The following VWC2 variants were observed in gnomAD, a reference collection of about 807,000 sequenced individuals.
VWC2 encodes von Willebrand factor C domain containing 2, also known as brorin.
In VWC2, 14 loss-of-function variants were observed where a neutral mutation model predicts 29.8. The observed-to-expected ratio is 0.47, with a 90% confidence interval of 0.31 to 0.74. The LOEUF is 0.74. VWC2 is among the 30% of genes least tolerant of loss of function. The pLI, the probability that VWC2 is intolerant of heterozygous loss-of-function variation, is 0.05. For synonymous variants in VWC2, 213 were observed against 199.0 expected (o/e 1.07, Z -0.59); for missense variants, 457 against 459.8 (o/e 0.99, Z 0.05).
intron 2 of VWC2, among the ~76,000 whole-genome samples, chr7:49,783,320 G>A (rs928987259): frequency 3.3e-5 from 5 of 152,068 alleles, no homozygotes; most frequent in Non-Finnish European, 7.4e-5. Flanking sequence ...TGGGTCAGGG[G>A]GTCAAGGGGG....
Position 49,849,108 on chromosome 7 carries a change from T to C in VWC2, c.826+46268T>C, listed in dbSNP as rs766566783. 4.1e-4 allele frequency among the ~76,000 whole-genome samples: 63 copies of C among 152,208 alleles called. 1 individual carries two copies. Among genetic ancestry groups the C allele is most frequent in the Non-Finnish European group, 6.9e-4 (47 of 68,046 alleles). On this transcript the variant is annotated intron_variant, in intron 3 of 3. Coordinates refer to ENST00000340652, the MANE Select transcript of VWC2 (RefSeq NM_198570.5). The stretch of plus-strand genomic sequence containing the variant: ...TCTTGTCCTACTGTACTGTATTTCT[T>C]ATTTCTCAGAGTTTGACTTACATAT...
intron 3 of VWC2, among the ~76,000 whole-genome samples, chr7:49,888,353 T>C (rs1479576552): frequency 6.6e-6 from 1 of 152,244 alleles, no homozygotes; most frequent in East Asian, 1.9e-4. Flanking sequence ...TGATCACTGA[T>C]TTTCCTAAAT....
intron 3 of VWC2, among the ~76,000 whole-genome samples, chr7:49,857,390 C>T (rs913964307): frequency 6.6e-6 from 1 of 152,146 alleles, no homozygotes; most frequent in Non-Finnish European, 1.5e-5. Flanking sequence ...CTGAATATTC[C>T]AATGTAGGCA....
chr7:49,900,706 T>C (rs1271696691), intron 3 of VWC2, among the ~76,000 whole-genome samples: 2 of 151,818 alleles, frequency 1.3e-5, no homozygotes, highest in Non-Finnish European at 3.0e-5. Flanking sequence ...CCAGATAGGA[T>C]CACTGGTGAA....
intron 3 of VWC2, among the ~76,000 whole-genome samples, chr7:49,890,367 CA>C (rs1283071844): frequency 6.6e-6 from 1 of 152,050 alleles, no homozygotes; most frequent in Non-Finnish European, 1.5e-5. Flanking sequence ...AGAACTTGTT[CA>C]AAAACAGGGA....
chr7:49,865,848 A>C (rs1380421641), intron 3 of VWC2, among the ~76,000 whole-genome samples: 4 of 152,220 alleles, frequency 2.6e-5, no homozygotes, highest in Admixed American at 1.3e-4. Flanking sequence ...TCAGTCTCAA[A>C]GTCCGGATGT....
At chr7:49,798,558 G>A (rs1485965849) in intron 2 of VWC2, among the ~76,000 whole-genome samples, 1 of 152,162 alleles carries the variant, frequency 6.6e-6, no homozygotes, top group Non-Finnish European at 1.5e-5. Flanking sequence ...TTTTATGAGT[G>A]TACAGTGGCC....
chr7:49,824,743 T>G (rs1181289914), intron 3 of VWC2, among the ~76,000 whole-genome samples: 2 of 152,156 alleles, frequency 1.3e-5, no homozygotes, highest in African/African-American at 4.8e-5. Flanking sequence ...ATATTTATGG[T>G]TTTTATTATA....
chr7:49,908,905 T>C (rs1332809099), intron 3 of VWC2, among the ~76,000 whole-genome samples: 4 of 152,210 alleles, frequency 2.6e-5, no homozygotes, highest in Non-Finnish European at 5.9e-5. Flanking sequence ...AGATTTTATA[T>C]TCTACAGTAA....
At position 49,775,707 on chromosome 7, in the gene VWC2, G is replaced by C. The variant is rs1224844872; in HGVS notation, c.272G>C (p.Ser91Thr). ...GRGLAGREPW[S>T]KLKQAWVSQG... Reference sequence around the variant, plus strand: ...GGGCTCGCCGGCCGTGAGCCGTGGAGCAAGCTGAAGCAGGCCTGGGTCTCC... The same window carrying C: ...GGGCTCGCCGGCCGTGAGCCGTGGACCAAGCTGAAGCAGGCCTGGGTCTCC... Residue 91 changes from serine to threonine, a missense_variant, in exon 2 of 4, where the codon AGC becomes ACC. Ser to Thr is a moderately conservative substitution (Grantham distance 58). Coordinates refer to ENST00000340652, the MANE Select transcript of VWC2 (RefSeq NM_198570.5). 6.6e-7 allele frequency: 1 copy of C among 1,522,748 alleles called. No individual in the cohort carries two copies. Among genetic ancestry groups the C allele is most frequent in the Admixed American group, 2.1e-5 (1 of 48,738 alleles). The allele number at this position is 1,522,748 out of a possible 1,614,324, so 94.3% of individuals were successfully genotyped here.
rs748979528 is a variant in VWC2 at position 49,802,870 on chromosome 7, G to T, written c.826+30G>T. The T allele has an allele frequency of 4.3e-6, 7 of 1,613,488 alleles. No individual in the cohort carries two copies. In the Admixed American group the frequency reaches 8.3e-5, roughly 19 times the overall value. On this transcript the variant is annotated intron_variant, in intron 3 of 3. Transcript: ENST00000340652. ...GTGAGATCCCCGTTGGTGACGGGGT[G>T]CACCTCCCACCCTGATGCACAACCC...
chr7:49,853,269 A>G (rs1790271486), intron 3 of VWC2, among the ~76,000 whole-genome samples: 1 of 152,160 alleles, frequency 6.6e-6, no homozygotes, highest in Non-Finnish European at 1.5e-5. Flanking sequence ...ATCAGGTATG[A>G]CTGTAGTCTC....
intron 3 of VWC2, among the ~76,000 whole-genome samples, chr7:49,859,126 T>C (rs545550977): frequency 6.6e-6 from 1 of 152,340 alleles, no homozygotes; most frequent in South Asian, 2.1e-4. Context: ...AGAATTTCAC[T>C]GATGGGGCAT....
intron 3 of VWC2, among the ~76,000 whole-genome samples, chr7:49,888,610 G>A (rs1196079247): frequency 2.0e-5 from 3 of 152,106 alleles, no homozygotes; most frequent in Non-Finnish European, 2.9e-5. Context: ...GCCCAAGGGT[G>A]TTTATGAAGT....
intron 2 of VWC2, among the ~76,000 whole-genome samples, chr7:49,801,458 CA>C (rs1788735454): frequency 6.6e-6 from 1 of 152,218 alleles, no homozygotes; most frequent in South Asian, 2.1e-4. Context: ...GATCAAAAAT[CA>C]CTCCATTGGT....
At chr7:49,845,610 C>A (rs997835409) in intron 3 of VWC2, among the ~76,000 whole-genome samples, 1 of 152,190 alleles carries the variant, frequency 6.6e-6, no homozygotes, top group Non-Finnish European at 1.5e-5. Flanking sequence ...ACTTCCTACC[C>A]AAAGTCAGTC....
chr7:49,895,607 C>T (rs1792347795), intron 3 of VWC2, among the ~76,000 whole-genome samples: 1 of 152,202 alleles, frequency 6.6e-6, no homozygotes, highest in South Asian at 2.1e-4. Flanking sequence ...ACCAGAGCAT[C>T]CTTTAACTGA....
At chr7:49,823,472 G>A (rs999810091) in intron 3 of VWC2, among the ~76,000 whole-genome samples, 1 of 152,208 alleles carries the variant, frequency 6.6e-6, no homozygotes, top group African/African-American at 2.4e-5. Flanking sequence ...ATAATCTTCT[G>A]TATGGCAAGC....
At chr7:49,833,401 A>G (rs1192612378) in intron 3 of VWC2, among the ~76,000 whole-genome samples, 1 of 152,232 alleles carries the variant, frequency 6.6e-6, no homozygotes, top group East Asian at 1.9e-4. Flanking sequence ...CAATAAGCCA[A>G]TCACTGAGAT....
Sources: allele counts gnomAD v4.1 joint callset (sites outside exome capture counted in the v4.1 genomes callset), GRCh38; gene constraint gnomAD v4.1.1; transcripts MANE v1.5; gene names NCBI Gene and HGNC (gene_info 2026-07-23, HGNC 2026-07-21).